SHANK2: variants seen among roughly 807,000 people sequenced by gnomAD.
SHANK2 encodes SH3 and multiple ankyrin repeat domains 2, also known as SH3 and multiple ankyrin repeat domains protein 2.
A neutral mutation model predicts 133.7 loss-of-function variants in SHANK2; 43 were observed. The ratio of observed to expected loss-of-function variants is 0.32; its 90% confidence interval spans 0.25 to 0.41. SHANK2 has a LOEUF of 0.41. Ranked by LOEUF, SHANK2 falls within the 10% of genes least tolerant of loss-of-function variation. The pLI is 1.00. For synonymous variants in SHANK2, 1,017 were observed against 952.8 expected (o/e 1.07, Z -1.24); for missense variants, 1,994 against 2,235.8 (o/e 0.89, Z 2.18).
At chr11:71,080,959 C>T (rs1389917335) in intron 8 of SHANK2, among the ~76,000 whole-genome samples, 1 of 152,180 alleles carries the variant, frequency 6.6e-6, no homozygotes, top group Non-Finnish European at 1.5e-5. Flanking sequence ...GTTGGTGTTG[C>T]GGGCTGAATT....
chr11:70,502,753 C>CCCAG, intron 18 of SHANK2, 43 bp downstream of exon 18: 8 of 1,390,684 alleles, frequency 5.8e-6, no homozygotes, highest in South Asian at 5.2e-5. Context: ...CCCCCCCCCC[C>CCCAG]AGTAGGGCCC....
At chr11:71,085,753 A>G in intron 8 of SHANK2, among the ~76,000 whole-genome samples, 1 of 77,922 alleles carries the variant, frequency 1.3e-5, no homozygotes, top group Non-Finnish European at 2.2e-5. Context: ...ATAATATATT[A>G]TGTTATATAA....
chr11:70,754,052 TCCAC>T lies in SHANK2; in HGVS notation c.1777+44387_1777+44390del, dbSNP rs534875761. On this transcript the variant is annotated intron_variant, in intron 14 of 25. Transcript: ENST00000601538. ...GTCTTGAACTCCTGACCTCAAGTGA[TCCAC>T]CCACCTCGGCCTCCCGAAGTGCTGG... Among the ~76,000 whole-genome samples, 514 of 152,314 alleles carry T rather than the reference TCCAC, an allele frequency of 3.4e-3. 2 individuals carry two copies. Among genetic ancestry groups the T allele is most frequent in the Non-Finnish European group, 4.1e-3 (276 of 68,032 alleles).
At chr11:70,730,700 G>A (rs1276538310) in intron 14 of SHANK2, among the ~76,000 whole-genome samples, 2 of 152,154 alleles carry the variant, frequency 1.3e-5, no homozygotes, top group Non-Finnish European at 2.9e-5. Context: ...AGGCTGCTGC[G>A]GCAGGGCCAC....
At chr11:70,938,765 G>T (rs1207741531) in intron 10 of SHANK2, among the ~76,000 whole-genome samples, 3 of 152,152 alleles carry the variant, frequency 2.0e-5, no homozygotes, top group African/African-American at 7.2e-5. Flanking sequence ...TATGCAAAAT[G>T]CCAGAGGTCA....
In SHANK2 at chr11:70,486,194, G is replaced by A; in HGVS notation, c.4099C>T (p.Pro1367Ser). The A allele has an allele frequency of 1.9e-6, 3 of 1,613,458 alleles. No homozygotes were observed. Among genetic ancestry groups the A allele is most frequent in the Non-Finnish European group, 2.5e-6 (3 of 1,179,534 alleles). Reference protein sequence around the residue: ...GALQISAAPEPTTVPGRTIVA... With the variant: ...GALQISAAPESTTVPGRTIVA... ...ATGGTTCTGCCGGGCACGGTGGTGG[G>A]CTCGGGGGCAGCGGAGATCTGTAAA... is the stretch of plus-strand genomic sequence containing the variant. The change falls in exon 25 of 26, where the codon CCC (proline) becomes TCC (serine). Residue 1367 changes from proline (P) to serine (S), a missense_variant. This residue lies in a region of SHANK2 where 797 missense variants were observed against 907.4 expected (regional missense o/e 0.88). Coordinates refer to ENST00000601538, the MANE Select transcript of SHANK2 (RefSeq NM_012309.5). The surrounding 1 kb of genome is among the most constrained non-coding windows in gnomAD (Gnocchi z 8.0).
intron 10 of SHANK2, among the ~76,000 whole-genome samples, chr11:70,921,877 A>C (rs1249999346): frequency 6.6e-6 from 1 of 152,232 alleles, no homozygotes; most frequent in Non-Finnish European, 1.5e-5. Context: ...AATGCCTGAC[A>C]TTCTATAAAC....
chr11:70,742,500 G>A (rs1946549779), intron 14 of SHANK2, among the ~76,000 whole-genome samples: 1 of 152,168 alleles, frequency 6.6e-6, no homozygotes, highest in South Asian at 2.1e-4. Context: ...TAACTACCCA[G>A]GCCAAGCTCT....
At chr11:70,481,440 G>T (rs2058732484) in intron 25 of SHANK2, among the ~76,000 whole-genome samples, 1 of 152,180 alleles carries the variant, frequency 6.6e-6, no homozygotes, top group Admixed American at 6.5e-5. Context: ...ATTCTTGCAA[G>T]AAGTGAAAAG....
At chr11:71,217,494 A>C (rs968608046) in intron 2 of SHANK2, among the ~76,000 whole-genome samples, 3 of 151,544 alleles carry the variant, frequency 2.0e-5, no homozygotes, top group African/African-American at 7.3e-5. Flanking sequence ...ACAGAGCAAG[A>C]CTCCGTCTCA....
intron 10 of SHANK2, among the ~76,000 whole-genome samples, chr11:70,906,676 C>T (rs1230758114): frequency 6.6e-6 from 1 of 152,174 alleles, no homozygotes; most frequent in East Asian, 1.9e-4. Context: ...GATAATGGTG[C>T]TTCATTTATT....
At chr11:71,246,622 A>G (rs1954964547) in intron 1 of SHANK2, among the ~76,000 whole-genome samples, 2 of 152,284 alleles carry the variant, frequency 1.3e-5, no homozygotes, top group Middle Eastern at 3.4e-3. Context: ...TCTAAAGGGT[A>G]GCCAAGTCTT....
chr11:70,487,452 C>G lies in SHANK2; in HGVS notation c.2841G>C (p.Glu947Asp), dbSNP rs782704049. Residue 947 changes from glutamate to aspartate, a missense_variant, in exon 25 of 26, where the codon GAG (glutamate) becomes GAC (aspartate). This residue lies in a region of SHANK2 where 488 missense variants were observed against 642.6 expected (regional missense o/e 0.76). Transcript: ENST00000601538. This position sits in a 1 kb window ranked among gnomAD's most constrained non-coding sequence, Gnocchi z 5.8. Reference protein sequence around the residue: ...RSDTVATMMREKGMYFRRELD... With the variant: ...RSDTVATMMRDKGMYFRRELD... ...GCTCTCTCCTGAAGTACATCCCCTT[C>G]TCCCTCATCATGGTGGCCACGGTGT... 3 of 1,614,134 alleles carry G rather than the reference C, an allele frequency of 1.9e-6. No homozygotes were observed. Among genetic ancestry groups the G allele is most frequent in the Non-Finnish European group, 2.5e-6 (3 of 1,180,042 alleles).
chr11:70,925,676 G>A (rs1458639720), intron 10 of SHANK2, among the ~76,000 whole-genome samples: 1 of 152,214 alleles, frequency 6.6e-6, no homozygotes, highest in African/African-American at 2.4e-5. Flanking sequence ...CCTACTGGAT[G>A]TTACATGAAC....
At chr11:70,497,546 G>A (rs1555157389) in intron 21 of SHANK2, among the ~76,000 whole-genome samples, 1 of 152,172 alleles carries the variant, frequency 6.6e-6, no homozygotes, top group East Asian at 1.9e-4. Flanking sequence ...GCAAACGTGT[G>A]TTCTCTCTAC....
intron 17 of SHANK2, among the ~76,000 whole-genome samples, chr11:70,533,135 G>A (rs2059498485): frequency 6.6e-6 from 1 of 152,206 alleles, no homozygotes. Flanking sequence ...TTTCCTTCTG[G>A]GGTGATGGAA....
At chr11:70,636,710 T>C (rs2061101311) in intron 17 of SHANK2, among the ~76,000 whole-genome samples, 2 of 150,844 alleles carry the variant, frequency 1.3e-5, no homozygotes, top group Admixed American at 1.3e-4. Flanking sequence ...TGTGTGAACA[T>C]ATGTGCGAGG....
chr11:71,126,584 C>G (rs1229383884), intron 3 of SHANK2, among the ~76,000 whole-genome samples: 4 of 152,156 alleles, frequency 2.6e-5, no homozygotes, highest in East Asian at 1.9e-4. Context: ...TCAGATGGAG[C>G]TGGGCAAAGT....
intron 11 of SHANK2, among the ~76,000 whole-genome samples, chr11:70,894,740 C>G (rs1555075329): frequency 6.6e-6 from 1 of 152,160 alleles, no homozygotes; most frequent in Non-Finnish European, 1.5e-5. Context: ...ATCTGTGGAG[C>G]TGGCGGGGGC....
Sources: allele counts gnomAD v4.1 joint callset (sites outside exome capture counted in the v4.1 genomes callset), GRCh38; gene constraint gnomAD v4.1.1; regional missense constraint gnomAD v4.1.1; non-coding constraint Gnocchi (gnomAD v3.1); transcripts MANE v1.5; gene names NCBI Gene and HGNC (gene_info 2026-07-23, HGNC 2026-07-21).